Variants in DSCAML1 observed in about 807,000 individuals in gnomAD.
The protein encoded by DSCAML1 is DS cell adhesion molecule like 1.
In DSCAML1, 38 loss-of-function variants were observed where a neutral mutation model predicts 200.5. That is an observed-to-expected ratio of 0.19 (90% confidence interval 0.15 to 0.25). The LOEUF is 0.25. DSCAML1 is among the 10% of genes least tolerant of loss of function. The pLI, the probability that DSCAML1 is intolerant of heterozygous loss-of-function variation, is 1.00. For missense variants in DSCAML1, 2,223 were observed against 2,858.8 expected, an observed-to-expected ratio of 0.78 and a Z score of 5.07; for synonymous variants, 1,215 against 1,165.0, an observed-to-expected ratio of 1.04 and a Z score of -0.87.
intron 3 of DSCAML1, among the ~76,000 whole-genome samples, chr11:117,573,013 A>G (rs2050872396): frequency 6.6e-6 from 1 of 152,192 alleles, no homozygotes; most frequent in African/African-American, 2.4e-5. Context: ...CACAGTTGTT[A>G]TCTTAGCTGT....
intron 3 of DSCAML1, among the ~76,000 whole-genome samples, chr11:117,643,352 T>C (rs1223732890): frequency 6.6e-6 from 1 of 152,174 alleles, no homozygotes; most frequent in Non-Finnish European, 1.5e-5. Flanking sequence ...TGTGTGTATG[T>C]GGGGAGGACG....
chr11:117,808,612 T>A (rs2055729063), intron 1 of DSCAML1, among the ~76,000 whole-genome samples: 1 of 152,204 alleles, frequency 6.6e-6, no homozygotes, highest in Admixed American at 6.5e-5. Flanking sequence ...GTCTTGGGGC[T>A]GGCATTTGGG....
chr11:117,487,171 C>T (rs533145229), intron 11 of DSCAML1, among the ~76,000 whole-genome samples: 27 of 151,932 alleles, frequency 1.8e-4, no homozygotes, highest in Non-Finnish European at 3.1e-4. Flanking sequence ...GTGATCCACC[C>T]GCCTCAGCCT....
At chr11:117,595,202 C>T (rs1269561181) in intron 3 of DSCAML1, among the ~76,000 whole-genome samples, 1 of 152,094 alleles carries the variant, frequency 6.6e-6, no homozygotes, top group Non-Finnish European at 1.5e-5. Flanking sequence ...GTTGGAAAGT[C>T]AGTCATTAGA....
chr11:117,780,197 A>G lies in DSCAML1; in HGVS notation c.364+296T>C, dbSNP rs28649800. ...AAAAAAAGAAAAAAAGAAAGAAAGA[A>G]AGAGAAAGAAAGAGAGAGAGAGAAA... is the stretch of plus-strand genomic sequence containing the variant. On this transcript the variant is annotated intron_variant, in intron 2 of 32. Transcript: ENST00000651296. This position sits in a 1 kb window ranked among gnomAD's most constrained non-coding sequence, Gnocchi z 4.8. 9.1e-4 allele frequency among the ~76,000 whole-genome samples: 59 copies of G among 64,914 alleles called. 1 individual carries two copies. The highest frequency in any genetic ancestry group is 1.5e-3 in the Admixed American group (10 of 6,762). 42.6% of individuals were successfully genotyped at this position (64,914 alleles called of 152,430 possible).
At position 117,780,179 on chromosome 11, in the gene DSCAML1, GAAA is replaced by G. The variant is rs753602006; in HGVS notation, c.364+311_364+313del. On this transcript the variant is annotated intron_variant, in intron 2 of 32. Coordinates refer to ENST00000651296, the MANE Select transcript of DSCAML1 (RefSeq NM_020693.4). The surrounding 1 kb of genome is among the most constrained non-coding windows in gnomAD (Gnocchi z 4.8). ...AGAGAGAAAGAAAGAAAGAAAAAAA[GAAA>G]AAAAGAAAGAAAGAAAGAGAAAGAA... Among the ~76,000 whole-genome samples the G allele has an allele frequency of 1.3e-4, 15 of 111,424 alleles. No individual in the cohort carries two copies. Among genetic ancestry groups the G allele is most frequent in the African/African-American group, 4.8e-4 (14 of 29,438 alleles). 73.1% of individuals were successfully genotyped at this position (111,424 alleles called of 152,430 possible). A position where few individuals can be genotyped will look rare whatever the true frequency, so the allele number is the denominator to read the frequency against.
At chr11:117,759,089 C>T (rs186434855) in intron 3 of DSCAML1, among the ~76,000 whole-genome samples, 1 of 152,306 alleles carries the variant, frequency 6.6e-6, no homozygotes, top group East Asian at 1.9e-4. Context: ...AATACAAATC[C>T]ACCCTGTTGA....
rs1413210973 is a variant in DSCAML1 at position 117,753,853 on chromosome 11, T to C, written c.511+22938A>G. Among the ~76,000 whole-genome samples, 3 of 152,208 alleles carry C rather than the reference T, an allele frequency of 2.0e-5. No individual in the cohort carries two copies. In the East Asian group the frequency reaches 5.8e-4, roughly 29 times the overall value. On this transcript the variant is annotated intron_variant, in intron 3 of 32. Transcript: ENST00000651296. ...GCCCTGGTTCTAGTTCTCATGCTGT[T>C]ACTCTATGTGACTCTGGACTAGGTT...
chr11:117,769,425 TATATATTTTTATATAA>T (rs2054984254), intron 3 of DSCAML1, among the ~76,000 whole-genome samples: 5 of 56,596 alleles, frequency 8.8e-5, no homozygotes, highest in African/African-American at 3.5e-4. Context: ...ATATATATTA[TATATATTTTTATATAA>T]TATATATTTT....
intron 1 of DSCAML1, among the ~76,000 whole-genome samples, chr11:117,788,854 A>G (rs1035243257): frequency 3.3e-5 from 5 of 152,196 alleles, no homozygotes; most frequent in Non-Finnish European, 5.9e-5. Context: ...GTGGCTCAGC[A>G]GGCACATGAC....
chr11:117,624,629 T>C (rs1259574866), intron 3 of DSCAML1, among the ~76,000 whole-genome samples: 4 of 152,042 alleles, frequency 2.6e-5, no homozygotes, highest in African/African-American at 9.7e-5. Flanking sequence ...AGTCATCACC[T>C]GGCCCTTTAA....
chr11:117,582,929 C>G lies in DSCAML1; in HGVS notation c.512-50407G>C, dbSNP rs12363734. ...AAAAGAATGCTAACAGCACTTCATG[C>G]TTTCAAAGTGTTTTCATAACATGAT... On this transcript the variant is annotated intron_variant, in intron 3 of 32. Transcript: ENST00000651296. Among the ~76,000 whole-genome samples, 4 of 152,168 alleles carry G rather than the reference C, an allele frequency of 2.6e-5. No individual in the cohort carries two copies. In the South Asian group the frequency reaches 8.3e-4, roughly 32 times the overall value.
At chr11:117,635,807 G>T (rs1444244444) in intron 3 of DSCAML1, among the ~76,000 whole-genome samples, 1 of 152,164 alleles carries the variant, frequency 6.6e-6, no homozygotes, top group Admixed American at 6.5e-5. Flanking sequence ...ATGTAGTGAA[G>T]TCATAACGCT....
intron 3 of DSCAML1, among the ~76,000 whole-genome samples, chr11:117,732,645 G>A (rs1402802311): frequency 6.6e-6 from 1 of 152,190 alleles, no homozygotes; most frequent in Non-Finnish European, 1.5e-5. Context: ...CCTCCGGACA[G>A]AAGGACCAGG....
At chr11:117,511,479 C>A (rs1057190218) in intron 8 of DSCAML1, among the ~76,000 whole-genome samples, 1 of 152,196 alleles carries the variant, frequency 6.6e-6, no homozygotes, top group African/African-American at 2.4e-5. Context: ...TATTTTTCAG[C>A]TACAGGTGGC....
At chr11:117,626,992 C>T (rs563090943) in intron 3 of DSCAML1, among the ~76,000 whole-genome samples, 4 of 152,150 alleles carry the variant, frequency 2.6e-5, no homozygotes, top group Admixed American at 6.5e-5. Flanking sequence ...GTGGTGCCTG[C>T]GAGACTTTAC....
chr11:117,584,908 T>C lies in DSCAML1; in HGVS notation c.512-52386A>G, dbSNP rs75671563. Among the ~76,000 whole-genome samples, 979 of 152,308 alleles carry C rather than the reference T, an allele frequency of 6.4e-3. 14 individuals carry two copies. Among genetic ancestry groups the C allele is most frequent in the African/African-American group, 0.023 (942 of 41,564 alleles). ...GTTGTTGGGGAGATCAATAGGATCA[T>C]ACAAGGAAAGTACTCAGAATGATAC... On this transcript the variant is annotated intron_variant, in intron 3 of 32. Transcript: ENST00000651296.
In DSCAML1 at chr11:117,481,169, G is replaced by A; in HGVS notation, c.2656+5C>T. On this transcript the variant is annotated splice_donor_5th_base_variant and intron_variant, in intron 13 of 32. Transcript: ENST00000651296. ...GGATGGGAAGGGTGGGGCAGGTGAA[G>A]GTACCTTGCACAGTGAGTTGGATCA... The A allele has an allele frequency of 4.3e-6, 7 of 1,613,694 alleles. No individual in the cohort carries two copies. Among genetic ancestry groups the A allele is most frequent in the Non-Finnish European group, 5.9e-6 (7 of 1,179,822 alleles).
chr11:117,727,727 A>C (rs2054157581), intron 3 of DSCAML1, among the ~76,000 whole-genome samples: 1 of 152,194 alleles, frequency 6.6e-6, no homozygotes, highest in Non-Finnish European at 1.5e-5. Context: ...TGTTACAAGA[A>C]GTTATAGGCC....
Sources: gnomAD v4.1 joint callset for allele counts (sites outside exome capture counted in the v4.1 genomes callset) on GRCh38, gnomAD v4.1.1 for gene constraint, Gnocchi (gnomAD v3.1) non-coding constraint, MANE v1.5 for transcripts, NCBI Gene and HGNC (gene_info 2026-07-23, HGNC 2026-07-21) for gene names.